The following SLC4A5 variants were observed in gnomAD, a reference collection of about 807,000 sequenced individuals.
SLC4A5 encodes solute carrier family 4 member 5, also known as electrogenic sodium bicarbonate cotransporter 4.
SLC4A5 carries 96 observed loss-of-function variants against 120.4 expected under a neutral mutation model. The observed-to-expected ratio is 0.80, with a 90% CI of 0.68 to 0.94. The LOEUF is 0.94. Among genes scored for constraint, SLC4A5 ranks in the 40% least tolerant of loss-of-function variants. SLC4A5 has a pLI of 0.00. For missense variants in SLC4A5, 1,259 were observed against 1,459.5 expected (o/e 0.86, Z 2.24); for synonymous variants, 550 against 571.1 (o/e 0.96, Z 0.53).
chr2:74,259,379 CAG>C (rs772278338), intron 12 of SLC4A5, among the ~76,000 whole-genome samples: 43 of 152,304 alleles, frequency 2.8e-4, no homozygotes, highest in Admixed American at 2.1e-3. Context: ...GGGCCTGACA[CAG>C]AGCCAGCACC....
At chr2:74,275,020 C>A (rs1273539078) in intron 8 of SLC4A5, among the ~76,000 whole-genome samples, 1 of 152,204 alleles carries the variant, frequency 6.6e-6, no homozygotes, top group South Asian at 2.1e-4. Context: ...AACCCCACTT[C>A]CTCCCATGGC....
At chr2:74,295,324 A>C (rs1309625317) in intron 7 of SLC4A5, among the ~76,000 whole-genome samples, 2 of 152,152 alleles carry the variant, frequency 1.3e-5, no homozygotes, top group Non-Finnish European at 2.9e-5. Context: ...GGGATATCTA[A>C]TATCTCATTT....
chr2:74,267,285 T>A (rs1335943344), intron 8 of SLC4A5, among the ~76,000 whole-genome samples: 1 of 152,174 alleles, frequency 6.6e-6, no homozygotes, highest in Admixed American at 6.5e-5. Flanking sequence ...GACCCAGTGG[T>A]TCGATTTCTA....
At position 74,255,715 on chromosome 2, in the gene SLC4A5, G is replaced by C; in HGVS notation, c.1025+60C>G. 6.3e-7 allele frequency: 1 copy of C among 1,595,792 alleles called. No individual in the cohort carries two copies. The highest frequency in any genetic ancestry group is 1.1e-5 in the South Asian group (1 of 89,460). ...CTAACAGTCAACAGCACTGCTTGCT[G>C]ACTGCACTGCTGACTGGCTACCTGA... On this transcript the variant is annotated intron_variant, in intron 13 of 30. Coordinates refer to ENST00000394019, the Ensembl canonical transcript of SLC4A5. The surrounding 1 kb of genome is among the most constrained non-coding windows in gnomAD (Gnocchi z 4.0).
At chr2:74,323,245 A>G (rs1034907036) in intron 5 of SLC4A5, among the ~76,000 whole-genome samples, 6 of 152,138 alleles carry the variant, frequency 3.9e-5, no homozygotes, top group Admixed American at 2.0e-4. Flanking sequence ...TCTCAAAAAA[A>G]AGAGAGAGAG....
chr2:74,337,194 G>C (rs1377427997), intron 3 of SLC4A5, among the ~76,000 whole-genome samples: 1 of 152,164 alleles, frequency 6.6e-6, no homozygotes, highest in Non-Finnish European at 1.5e-5. Context: ...GTGGATCTGA[G>C]AGCAGGGAAC....
At chr2:74,237,357 C>T (rs1670301879) in intron 21 of SLC4A5, among the ~76,000 whole-genome samples, 1 of 152,138 alleles carries the variant, frequency 6.6e-6, no homozygotes, top group African/African-American at 2.4e-5. Flanking sequence ...ACTTTTCATC[C>T]TGTAGGCAAC....
chr2:74,290,587 T>TGA (rs1393655992), intron 7 of SLC4A5: 68 of 936,042 alleles, frequency 7.3e-5, no homozygotes, highest in South Asian at 9.9e-5. Context: ...ATTAAAGATC[T>TGA]GAGAGAGAGA....
intron 19 of SLC4A5, among the ~76,000 whole-genome samples, chr2:74,246,644 T>C (rs1176837666): frequency 2.6e-5 from 4 of 152,226 alleles, no homozygotes; most frequent in African/African-American, 7.2e-5. Flanking sequence ...CAGCTCTGTC[T>C]TGGGGAGAGC....
chr2:74,259,559 A>T (rs573915255), intron 12 of SLC4A5, 29 bp downstream of exon 12: 1 of 1,612,924 alleles, frequency 6.2e-7, no homozygotes, highest in South Asian at 1.1e-5. Context: ...CTGGCCCTCC[A>T]TTGCAGCTAA....
chr2:74,225,092 C>A lies in SLC4A5; in HGVS notation c.3091-97G>T, dbSNP rs1048176805. The A allele has an allele frequency of 6.3e-5, 77 of 1,229,790 alleles. No homozygotes were observed. The Middle Eastern group carries it at 1.3e-3, about 21-fold the overall frequency. 76.2% of individuals were successfully genotyped at this position (1,229,790 alleles called of 1,614,324 possible). A position where few individuals can be genotyped will look rare whatever the true frequency, so the allele number is the denominator to read the frequency against. ...ATAGATTTTTTTCTCCCTCAGTCGG[C>A]TGAGTTCAGGGACTTTTTGTGGTGT... is the stretch of plus-strand genomic sequence containing the variant. On this transcript the variant is annotated intron_variant, in intron 27 of 30. Coordinates refer to ENST00000394019, the Ensembl canonical transcript of SLC4A5.
chr2:74,334,881 A>C (rs1026436450), intron 3 of SLC4A5, among the ~76,000 whole-genome samples: 2 of 152,156 alleles, frequency 1.3e-5, no homozygotes, highest in Admixed American at 6.5e-5. Context: ...TATTATTATA[A>C]TTATTACACC....
intron 7 of SLC4A5, among the ~76,000 whole-genome samples, chr2:74,300,808 A>G (rs1672457817): frequency 6.6e-6 from 1 of 152,144 alleles, no homozygotes. Context: ...GCTGCTTTCC[A>G]TGTAGCGCAT....
intron 8 of SLC4A5, among the ~76,000 whole-genome samples, chr2:74,268,947 G>A (rs1671387369): frequency 6.6e-6 from 1 of 152,204 alleles, no homozygotes. Flanking sequence ...CCAGGCACCT[G>A]GTGGGATCCT....
At chr2:74,247,840 T>C (rs994722283) in intron 18 of SLC4A5, among the ~76,000 whole-genome samples, 16 of 151,968 alleles carry the variant, frequency 1.1e-4, no homozygotes, top group African/African-American at 3.9e-4. Flanking sequence ...TTAAAGATCT[T>C]ATGGAGGAGG....
intron 11 of SLC4A5, among the ~76,000 whole-genome samples, chr2:74,261,558 C>T (rs886342393): frequency 4.6e-5 from 7 of 152,200 alleles, no homozygotes; most frequent in African/African-American, 1.4e-4. Context: ...TTTCTAAGTT[C>T]GCTCCTTTCT....
intron 17 of SLC4A5, among the ~76,000 whole-genome samples, 190 bp from the exon 18 acceptor site, chr2:74,248,676 T>C (rs553513336): frequency 2.2e-4 from 33 of 152,192 alleles, no homozygotes; most frequent in Admixed American, 1.4e-3. Flanking sequence ...CCATTGTCAC[T>C]CTGTTTAATT....
rs903810669 is a variant in SLC4A5 at position 74,252,976 on chromosome 2, CTT to C, written c.1264_1265del (p.Lys422GlufsTer53). The stretch of plus-strand genomic sequence containing the variant: ...CTACTGCCCATTCTCATACACACCT[CTT>C]GTCAGCAGAGGGCACCTTCTTGGGG... On this transcript the variant is annotated frameshift_variant, in exon 15 of 31. Coordinates refer to ENST00000394019, the Ensembl canonical transcript of SLC4A5. LOFTEE classifies it high-confidence loss of function. 1 of 1,614,212 alleles carries C rather than the reference CTT, an allele frequency of 6.2e-7. No homozygotes were observed. The highest frequency in any genetic ancestry group is 8.5e-7 in the Non-Finnish European group (1 of 1,180,034).
At chr2:74,268,402 AG>A (rs1224695010) in intron 8 of SLC4A5, among the ~76,000 whole-genome samples, 2 of 152,220 alleles carry the variant, frequency 1.3e-5, no homozygotes, top group Non-Finnish European at 2.9e-5. Context: ...AAGGACCTTA[AG>A]GGTATAGTAT....
Sources: gnomAD v4.1 joint callset for allele counts (sites outside exome capture counted in the v4.1 genomes callset) on GRCh38, gnomAD v4.1.1 for gene constraint, Gnocchi (gnomAD v3.1) non-coding constraint, MANE v1.5 for transcripts, NCBI Gene and HGNC (gene_info 2026-07-23, HGNC 2026-07-21) for gene names.